ACSS1: variants seen among roughly 807,000 people sequenced by gnomAD.
ACSS1 encodes acyl-CoA synthetase short chain family member 1.
In ACSS1, 42 loss-of-function variants were observed where a neutral mutation model predicts 75.3. The observed-to-expected ratio is 0.56, with a 90% CI of 0.44 to 0.72. The LOEUF (loss-of-function observed/expected upper bound fraction) is 0.72. Ranked by LOEUF, ACSS1 falls within the 30% of genes least tolerant of loss-of-function variation. The pLI is 0.00. For missense variants in ACSS1, 782 were observed against 935.7 expected (o/e 0.84, Z 2.14); for synonymous variants, 380 against 376.8 (o/e 1.01, Z -0.10).
At chr20:25,040,506 C>T (rs2088983010) in intron 2 of ACSS1, among the ~76,000 whole-genome samples, 1 of 152,272 alleles carries the variant, frequency 6.6e-6, no homozygotes, top group Non-Finnish European at 1.5e-5. Context: ...CTCTTGGCAG[C>T]AGCCTAGAGA....
intron 2 of ACSS1, among the ~76,000 whole-genome samples, chr20:25,035,044 G>A (rs974834371): frequency 2.0e-5 from 3 of 150,694 alleles, no homozygotes; most frequent in African/African-American, 4.9e-5. Context: ...ACAGGTGCCC[G>A]CCACCACGCC....
chr20:25,030,718 G>T (rs1428964581), intron 3 of ACSS1, 41 bp downstream of exon 3: 3 of 1,607,988 alleles, frequency 1.9e-6, no homozygotes, highest in Non-Finnish European at 1.7e-6. Flanking sequence ...CAAGGATCAG[G>T]GAACTCCAGG....
chr20:25,055,500 G>T (rs1353430138), intron 1 of ACSS1, among the ~76,000 whole-genome samples: 1 of 152,204 alleles, frequency 6.6e-6, no homozygotes, highest in East Asian at 1.9e-4. Context: ...TGTTTTAGAA[G>T]TGCCTTCATC....
At chr20:25,015,552 C>T (rs1481365652) in intron 7 of ACSS1, among the ~76,000 whole-genome samples, 1 of 152,178 alleles carries the variant, frequency 6.6e-6, no homozygotes, top group African/African-American at 2.4e-5. Context: ...CTGCCTTGGC[C>T]TCCCAAAGTG....
At chr20:25,053,090 G>T (rs1249288079) in intron 1 of ACSS1, among the ~76,000 whole-genome samples, 8 of 142,280 alleles carry the variant, frequency 5.6e-5, no homozygotes, top group African/African-American at 2.0e-4. Flanking sequence ...TTGAGACAGG[G>T]TCTCACTCCA....
Position 25,006,832 on chromosome 20 carries a change from C to A in ACSS1, c.*930G>T, listed in dbSNP as rs749555334. ...CAACCACAGAGTGAAGGTCAGGCAG[C>A]GTTTGCCAGGATTTGGCTCTGACCA... On this transcript the variant is annotated 3_prime_UTR_variant, in exon 14 of 14. Coordinates refer to ENST00000323482, the MANE Select transcript of ACSS1 (RefSeq NM_032501.4). The A allele has an allele frequency of 1.3e-6, 2 of 1,535,206 alleles. No individual in the cohort carries two copies. The highest frequency in any genetic ancestry group is 2.7e-5 in the African/African-American group (2 of 73,030).
At chr20:25,014,949 A>G (rs2088489308) in intron 8 of ACSS1, among the ~76,000 whole-genome samples, 189 bp downstream of exon 8, 1 of 152,258 alleles carries the variant, frequency 6.6e-6, no homozygotes, top group Non-Finnish European at 1.5e-5. Context: ...AAGAGGTCCC[A>G]CAGGTGGGAA....
chr20:25,050,081 G>C (rs982752060), intron 1 of ACSS1, among the ~76,000 whole-genome samples: 3 of 152,172 alleles, frequency 2.0e-5, no homozygotes, highest in Non-Finnish European at 2.9e-5. Context: ...AACTGCCAGG[G>C]AGAAAATTAA....
chr20:25,022,170 A>G (rs1477778521), intron 5 of ACSS1, among the ~76,000 whole-genome samples: 3 of 152,184 alleles, frequency 2.0e-5, no homozygotes, highest in Admixed American at 6.5e-5. Flanking sequence ...CAGCCTGACC[A>G]ACATGGCAAA....
chr20:25,036,997 GAAGA>G (rs569262027), intron 2 of ACSS1, among the ~76,000 whole-genome samples: 21,780 of 115,532 alleles, frequency 0.19, 1,901 homozygotes, highest in Middle Eastern at 0.25. Context: ...AAGAAAGAAA[GAAGA>G]AAGAAAGGAA....
rs2089127254 is a variant in ACSS1, at chr20:25,048,196, G to C, written c.335-15C>G. 1.2e-6 allele frequency: 2 copies of C among 1,610,526 alleles called. No individual in the cohort carries two copies. The highest frequency in any genetic ancestry group is 8.5e-7 in the Non-Finnish European group (1 of 1,179,018). ...CAAGCAGTTGACTGTACAAAAAGAG[G>C]GTTTGCGGATGTTACACTTGGTGCT... is the stretch of plus-strand genomic sequence containing the variant. On this transcript the variant is annotated splice_polypyrimidine_tract_variant and intron_variant, in intron 1 of 13. Coordinates refer to ENST00000323482, the MANE Select transcript of ACSS1 (RefSeq NM_032501.4).
chr20:25,022,784 G>T (rs1156295999), intron 5 of ACSS1, among the ~76,000 whole-genome samples, 156 bp downstream of exon 5: 1 of 152,278 alleles, frequency 6.6e-6, no homozygotes, highest in Non-Finnish European at 1.5e-5. Context: ...AGGAGCTGTA[G>T]GGTGGGAGGA....
intron 2 of ACSS1, chr20:25,032,555 A>AG (rs2088845122): frequency 8.0e-7 from 1 of 1,249,760 alleles, no homozygotes; most frequent in Non-Finnish European, 1.0e-6. Flanking sequence ...GGGGAAGCCA[A>AG]GGCCCTTTCT....
At position 25,006,786 on chromosome 20, in the gene ACSS1, C is replaced by T. The variant is rs550713864; in HGVS notation, c.*976G>A. 4.0e-6 allele frequency: 6 copies of T among 1,512,106 alleles called. No homozygotes were observed. In the South Asian group the frequency reaches 6.0e-5, roughly 15 times the overall value. 93.7% of individuals were successfully genotyped at this position (1,512,106 alleles called of 1,614,324 possible). A position where few individuals can be genotyped will look rare whatever the true frequency, so the allele number is the denominator to read the frequency against. ...CAGACCTCCAAGTCTCATCATTGGA[C>T]CTCAGTGGTTCTCACCGCCCCAACC... On this transcript the variant is annotated 3_prime_UTR_variant, in exon 14 of 14. Transcript: ENST00000323482.
intron 13 of ACSS1, among the ~76,000 whole-genome samples, chr20:25,008,444 G>A (rs892875805): frequency 6.6e-6 from 1 of 152,218 alleles, no homozygotes; most frequent in Non-Finnish European, 1.5e-5. Flanking sequence ...CTGTGTTTGG[G>A]ATCTTTGACA....
intron 3 of ACSS1, among the ~76,000 whole-genome samples, chr20:25,025,644 G>T (rs1464634448): frequency 6.6e-6 from 1 of 152,156 alleles, no homozygotes; most frequent in Admixed American, 6.5e-5. Flanking sequence ...CCATTTCAGT[G>T]GTTGGCAGAA....
intron 5 of ACSS1, among the ~76,000 whole-genome samples, chr20:25,022,728 G>C (rs1462662908): frequency 6.6e-6 from 1 of 152,280 alleles, no homozygotes; most frequent in African/African-American, 2.4e-5. Flanking sequence ...GATTATCTGG[G>C]AGTTTCCAGA....
At chr20:25,038,638 G>T (rs538023226) in intron 2 of ACSS1, among the ~76,000 whole-genome samples, 5 of 152,306 alleles carry the variant, frequency 3.3e-5, no homozygotes, top group Non-Finnish European at 7.4e-5. Context: ...CTGTGTGAAT[G>T]CCTTGCAGGA....
Position 25,057,755 on chromosome 20 carries a change from C to A in ACSS1, c.334+14G>T. On this transcript the variant is annotated intron_variant, in intron 1 of 13. Coordinates refer to ENST00000323482, the MANE Select transcript of ACSS1 (RefSeq NM_032501.4). The stretch of plus-strand genomic sequence containing the variant: ...AGAGTTGGGGGCGTCCTGGGTCTCC[C>A]GAAGCCCACTCACCAGAGACATTTA... The A allele has an allele frequency of 6.5e-7, 1 of 1,545,730 alleles. No homozygotes were observed. Among genetic ancestry groups the A allele is most frequent in the Non-Finnish European group, 8.8e-7 (1 of 1,134,856 alleles).
Sources: allele counts gnomAD v4.1 joint callset (sites outside exome capture counted in the v4.1 genomes callset), GRCh38; gene constraint gnomAD v4.1.1; transcripts MANE v1.5; gene names NCBI Gene and HGNC (gene_info 2026-07-23, HGNC 2026-07-21).